The following ASAP2 variants were observed in gnomAD, a reference collection of about 807,000 sequenced individuals.
The protein encoded by ASAP2 is ArfGAP with SH3 domain, ankyrin repeat and PH domain 2.
Under a neutral mutation model 131.4 loss-of-function variants are expected in ASAP2, and 45 were observed. The observed-to-expected ratio is 0.34, with a 90% confidence interval of 0.27 to 0.44. The LOEUF (loss-of-function observed/expected upper bound fraction) is 0.44, where lower values mean the gene tolerates loss of function less well. Ranked by LOEUF, ASAP2 falls within the 20% of genes least tolerant of loss-of-function variation. The pLI is 1.00. For synonymous variants in ASAP2, 510 were observed against 503.0 expected (o/e 1.01, Z -0.19); for missense variants, 1,011 against 1,297.0 (o/e 0.78, Z 3.39).
intron 1 of ASAP2, among the ~76,000 whole-genome samples, chr2:9,279,090 C>A (rs780171348): frequency 6.6e-6 from 1 of 152,138 alleles, no homozygotes; most frequent in East Asian, 1.9e-4. Flanking sequence ...TCAGTAATTG[C>A]CAACAAACTT....
rs373023360 is a variant in ASAP2 at position 9,320,276 on chromosome 2, C to A, written c.421-12C>A. The stretch of plus-strand genomic sequence containing the variant: ...GATTAGTCTTGCCTAATTTATTATT[C>A]TTTGTTTACAGGATCTGAAAAAGCC... On this transcript the variant is annotated splice_polypyrimidine_tract_variant and intron_variant, in intron 4 of 27. Coordinates refer to ENST00000281419, the MANE Select transcript of ASAP2 (RefSeq NM_003887.3). 1.9e-5 allele frequency: 30 copies of A among 1,605,440 alleles called. No homozygotes were observed. Among genetic ancestry groups the A allele is most frequent in the African/African-American group, 4.0e-5 (3 of 74,700 alleles).
chr2:9,337,761 G>A (rs1169586173), intron 9 of ASAP2, among the ~76,000 whole-genome samples: 4 of 152,038 alleles, frequency 2.6e-5, no homozygotes, highest in East Asian at 1.9e-4. Context: ...TTCTGGTCCC[G>A]GTGACCTCAC....
chr2:9,387,788 A>G (rs974445316), intron 21 of ASAP2, among the ~76,000 whole-genome samples: 1 of 152,172 alleles, frequency 6.6e-6, no homozygotes, highest in East Asian at 1.9e-4. Flanking sequence ...AATACCTGAG[A>G]CTGGGTAGTT....
At position 9,388,510 on chromosome 2, in the gene ASAP2, A is replaced by G. The variant is rs1421608961; in HGVS notation, c.2347A>G (p.Ser783Gly). Residue 783 changes from serine to glycine, a missense_variant, in exon 22 of 28, where the codon AGC becomes GGC. Coordinates refer to ENST00000281419, the MANE Select transcript of ASAP2 (RefSeq NM_003887.3). ...PAQPAAPSTT[S>G]APPLPPRNVG... ...CCAGCCTGCAGCCCCCAGCACCACC[A>G]GCGCCCCCCCGCTTCCTCCACGGAA... 1.9e-6 allele frequency: 3 copies of G among 1,610,544 alleles called. No homozygotes were observed. The highest frequency in any genetic ancestry group is 2.5e-6 in the Non-Finnish European group (3 of 1,178,790).
chr2:9,386,143 CTTTTT>C (rs796770791), intron 21 of ASAP2, among the ~76,000 whole-genome samples: 1 of 143,814 alleles, frequency 7.0e-6, no homozygotes, highest in Admixed American at 6.9e-5. Context: ...CATGGTTTGG[CTTTTT>C]TTTTTTTCTG....
intron 14 of ASAP2, among the ~76,000 whole-genome samples, chr2:9,358,491 T>C (rs1672858377): frequency 6.6e-6 from 1 of 152,102 alleles, no homozygotes; most frequent in Admixed American, 6.5e-5. Flanking sequence ...GTGTGTCCTG[T>C]TTATTTTTGC....
intron 1 of ASAP2, among the ~76,000 whole-genome samples, chr2:9,237,428 T>G (rs1663630472): frequency 6.6e-6 from 1 of 151,618 alleles, no homozygotes; most frequent in South Asian, 2.1e-4. Flanking sequence ...TTTTTTTTTT[T>G]TTTGACAGAT....
chr2:9,346,435 CA>C (rs879767444), intron 11 of ASAP2, among the ~76,000 whole-genome samples: 6,413 of 97,828 alleles, frequency 0.066, 295 homozygotes, highest in African/African-American at 0.17. Context: ...GACTCCATCT[CA>C]AAAAAAAAAA....
rs1672673840 is a variant in ASAP2 at position 9,356,035 on chromosome 2, C to T, written c.1112-12C>T. ...GTCTGGGCTCACAGTTGAAATTCCT[C>T]TTGCTATGCAGATGACAGAACTTAC... On this transcript the variant is annotated splice_polypyrimidine_tract_variant and intron_variant, in intron 12 of 27. Transcript: ENST00000281419. The T allele has an allele frequency of 6.2e-7, 1 of 1,614,070 alleles. No individual in the cohort carries two copies. The highest frequency in any genetic ancestry group is 1.3e-5 in the African/African-American group (1 of 75,014).
At chr2:9,339,232 G>A (rs1671422127) in intron 9 of ASAP2, among the ~76,000 whole-genome samples, 1 of 152,090 alleles carries the variant, frequency 6.6e-6, no homozygotes, top group Non-Finnish European at 1.5e-5. Context: ...AGTCCCAGCA[G>A]GTGAGGCTGG....
chr2:9,402,394 C>A (rs1676802796), intron 27 of ASAP2, among the ~76,000 whole-genome samples: 1 of 152,198 alleles, frequency 6.6e-6, no homozygotes, highest in South Asian at 2.1e-4. Context: ...CTTTGGGAGG[C>A]CGAGGCAGGC....
chr2:9,286,702 A>G (rs1667492751), intron 2 of ASAP2, among the ~76,000 whole-genome samples: 1 of 152,152 alleles, frequency 6.6e-6, no homozygotes, highest in African/African-American at 2.4e-5. Context: ...AAAGTGAGAA[A>G]TTGGATGCCT....
At chr2:9,352,092 G>A (rs74462475) in intron 12 of ASAP2, among the ~76,000 whole-genome samples, 79 of 152,202 alleles carry the variant, frequency 5.2e-4, no homozygotes, top group African/African-American at 1.8e-3. Flanking sequence ...GCCAGGTGTG[G>A]TGGTGTGATC....
intron 1 of ASAP2, among the ~76,000 whole-genome samples, chr2:9,212,255 G>A (rs763376658): frequency 6.6e-6 from 1 of 152,160 alleles, no homozygotes; most frequent in Non-Finnish European, 1.5e-5. Flanking sequence ...ACAGAATCCT[G>A]TAAACAAATC....
At chr2:9,215,363 C>T (rs548121226) in intron 1 of ASAP2, among the ~76,000 whole-genome samples, 29 of 152,194 alleles carry the variant, frequency 1.9e-4, no homozygotes, top group Non-Finnish European at 3.5e-4. Flanking sequence ...CATAATGCTT[C>T]TTTACTAAAG....
At chr2:9,368,561 T>G (rs369860524) in intron 16 of ASAP2, 42 bp downstream of exon 16, 20 of 1,575,588 alleles carry the variant, frequency 1.3e-5, no homozygotes, top group Non-Finnish European at 1.7e-5. Flanking sequence ...GAGTAAAGGT[T>G]TGCCTTTGCC....
intron 1 of ASAP2, among the ~76,000 whole-genome samples, chr2:9,256,807 CTG>C (rs1399297667): frequency 6.6e-6 from 1 of 152,194 alleles, no homozygotes; most frequent in African/African-American, 2.4e-5. Context: ...TCCATTTCCT[CTG>C]TGTGACAGAG....
chr2:9,358,412 T>C (rs1672854065), intron 14 of ASAP2, among the ~76,000 whole-genome samples: 2 of 152,342 alleles, frequency 1.3e-5, no homozygotes, highest in African/African-American at 4.8e-5. Flanking sequence ...ATTCTGCTAG[T>C]GTGACCAAGT....
At chr2:9,370,358 C>A (rs1055408508) in intron 16 of ASAP2, among the ~76,000 whole-genome samples, 1 of 152,140 alleles carries the variant, frequency 6.6e-6, no homozygotes, top group African/African-American at 2.4e-5. Flanking sequence ...ATGTTTGAAT[C>A]CTGTAACAAG....
Sources: allele counts gnomAD v4.1 joint callset (sites outside exome capture counted in the v4.1 genomes callset), GRCh38; gene constraint gnomAD v4.1.1; transcripts MANE v1.5; gene names NCBI Gene and HGNC (gene_info 2026-07-23, HGNC 2026-07-21).